KCNAB1: variants seen among roughly 807,000 people sequenced by gnomAD.
KCNAB1 encodes the protein voltage-gated potassium channel subunit beta-1.
In KCNAB1, 35 loss-of-function variants were observed where a neutral mutation model predicts 64.6. The observed-to-expected ratio is 0.54, with a 90% confidence interval of 0.41 to 0.72. The LOEUF (loss-of-function observed/expected upper bound fraction) is 0.72, where lower values mean the gene tolerates loss of function less well. KCNAB1 is among the 30% of genes least tolerant of loss of function. The pLI is 0.00. For synonymous variants in KCNAB1, 177 were observed against 183.8 expected, an observed-to-expected ratio of 0.96 and a Z score of 0.30; for missense variants, 401 against 512.9, an observed-to-expected ratio of 0.78 and a Z score of 2.11.
chr3:156,427,353 G>A (rs1715889297), intron 2 of KCNAB1, among the ~76,000 whole-genome samples: 1 of 152,164 alleles, frequency 6.6e-6, no homozygotes, highest in South Asian at 2.1e-4. Context: ...CCCTATGATT[G>A]TCATTGAGAT....
intron 1 of KCNAB1, among the ~76,000 whole-genome samples, chr3:156,224,252 A>G (rs1445290132): frequency 6.6e-6 from 1 of 152,114 alleles, no homozygotes; most frequent in Non-Finnish European, 1.5e-5. Context: ...CCCACCCGGA[A>G]CTCGTGCTGG....
intron 1 of KCNAB1, among the ~76,000 whole-genome samples, chr3:156,380,990 A>G (rs1211077518): frequency 1.3e-5 from 2 of 152,178 alleles, no homozygotes; most frequent in Non-Finnish European, 2.9e-5. Context: ...AAATGTTTTC[A>G]CCACAAAAAA....
intron 1 of KCNAB1, among the ~76,000 whole-genome samples, chr3:156,339,867 G>A (rs1270443058): frequency 6.6e-6 from 1 of 152,154 alleles, no homozygotes; most frequent in Non-Finnish European, 1.5e-5. Flanking sequence ...AGAAAGAGGT[G>A]GTACTGGAAG....
At chr3:156,536,175 T>C (rs1228041709) in intron 13 of KCNAB1, among the ~76,000 whole-genome samples, 1 of 152,226 alleles carries the variant, frequency 6.6e-6, no homozygotes, top group Non-Finnish European at 1.5e-5. Context: ...CATGTGGCTA[T>C]TGTATGCGGG....
At position 156,137,505 on chromosome 3, in the gene KCNAB1, G is replaced by T. The variant is rs534949130; in HGVS notation, c.275+16619G>T. On this transcript the variant is annotated intron_variant, in intron 1 of 13. Transcript: ENST00000490337. ...ATTGCCTAGAAAAACACCAATGAAT[G>T]ACAGAGACATTTAACATTAGATTTC... Among the ~76,000 whole-genome samples, 13 of 151,818 alleles carry T rather than the reference G, an allele frequency of 8.6e-5. No homozygotes were observed. The South Asian group carries it at 2.7e-3, about 32-fold the overall frequency.
chr3:156,363,501 C>A (rs147686370), intron 1 of KCNAB1, among the ~76,000 whole-genome samples: 10,118 of 150,524 alleles, frequency 0.067, 404 homozygotes, highest in East Asian at 0.17. Flanking sequence ...TTTGAGACAG[C>A]GTCTTGCTCT....
chr3:156,451,819 C>T (rs2108277368), intron 2 of KCNAB1, among the ~76,000 whole-genome samples: 1 of 152,154 alleles, frequency 6.6e-6, no homozygotes, highest in African/African-American at 2.4e-5. Flanking sequence ...CTTGCCTCTC[C>T]CTAGAATGTC....
intron 1 of KCNAB1, among the ~76,000 whole-genome samples, chr3:156,403,841 C>T (rs1479204680): frequency 1.3e-5 from 2 of 151,560 alleles, no homozygotes; most frequent in Non-Finnish European, 2.9e-5. Flanking sequence ...TTGCAGTGAG[C>T]TGAGATCACG....
chr3:156,495,156 G>A (rs1157789540), intron 8 of KCNAB1, among the ~76,000 whole-genome samples: 2 of 152,154 alleles, frequency 1.3e-5, no homozygotes, highest in Non-Finnish European at 2.9e-5. Flanking sequence ...GTTTGCTAGA[G>A]ATAATGGCCT....
Position 156,120,609 on chromosome 3 carries a change from A to G in KCNAB1, c.-3A>G, listed in dbSNP as rs771180725. 7.4e-6 allele frequency: 12 copies of G among 1,613,872 alleles called. No homozygotes were observed. Among genetic ancestry groups the G allele is most frequent in the South Asian group, 1.1e-5 (1 of 91,060 alleles). The stretch of plus-strand genomic sequence containing the variant: ...TTCCAGTCTTCTCTGAAAGATCTCC[A>G]CGATGCTGGCAGCCCGGACAGGGGC... On this transcript the variant is annotated 5_prime_UTR_variant, in exon 1 of 14. Transcript: ENST00000490337.
chr3:156,345,669 C>T (rs1724438579), intron 1 of KCNAB1, among the ~76,000 whole-genome samples: 1 of 152,156 alleles, frequency 6.6e-6, no homozygotes, highest in Non-Finnish European at 1.5e-5. Context: ...GTAGCTGGGA[C>T]TTTGGTGGCT....
At chr3:156,317,232 T>A (rs1182637635) in intron 1 of KCNAB1, among the ~76,000 whole-genome samples, 1 of 152,222 alleles carries the variant, frequency 6.6e-6, no homozygotes, top group Non-Finnish European at 1.5e-5. Flanking sequence ...TCCACAGGAC[T>A]AATTCATAGG....
intron 1 of KCNAB1, among the ~76,000 whole-genome samples, chr3:156,182,409 A>G (rs114299293): frequency 0.014 from 2,195 of 152,320 alleles, 75 homozygotes; most frequent in African/African-American, 0.05. Flanking sequence ...CTTTACATGC[A>G]TATGTGCAAA....
At chr3:156,255,980 C>G (rs1718078062) in intron 1 of KCNAB1, among the ~76,000 whole-genome samples, 1 of 152,078 alleles carries the variant, frequency 6.6e-6, no homozygotes, top group Non-Finnish European at 1.5e-5. Context: ...GGAGCAGCGC[C>G]CAGAGTGCGG....
At chr3:156,319,895 C>G (rs528874010) in intron 1 of KCNAB1, among the ~76,000 whole-genome samples, 4 of 152,260 alleles carry the variant, frequency 2.6e-5, no homozygotes, top group East Asian at 3.9e-4. Flanking sequence ...TACCATGTTA[C>G]TATTCTGGGT....
intron 12 of KCNAB1, among the ~76,000 whole-genome samples, chr3:156,526,987 T>G (rs1718354367): frequency 6.6e-6 from 1 of 152,144 alleles, no homozygotes; most frequent in Non-Finnish European, 1.5e-5. Context: ...AGAATATTTG[T>G]TGGTAGCTTG....
chr3:156,224,318 C>T (rs1576622439), intron 1 of KCNAB1, among the ~76,000 whole-genome samples: 1 of 152,260 alleles, frequency 6.6e-6, no homozygotes, highest in African/African-American at 2.4e-5. Context: ...CACCACACCT[C>T]CCTGCAAGCT....
intron 2 of KCNAB1, among the ~76,000 whole-genome samples, chr3:156,442,153 A>G: frequency 6.6e-6 from 1 of 152,224 alleles, no homozygotes; most frequent in Non-Finnish European, 1.5e-5. Context: ...CAGGAAATTT[A>G]AGGAAATTAA....
At chr3:156,405,767 C>CATA (rs1163281380) in intron 1 of KCNAB1, among the ~76,000 whole-genome samples, 2 of 152,144 alleles carry the variant, frequency 1.3e-5, no homozygotes, top group East Asian at 3.8e-4. Context: ...CAAATAGTTA[C>CATA]ATAATAACAC....
Sources: gnomAD v4.1 joint callset for allele counts (sites outside exome capture counted in the v4.1 genomes callset) on GRCh38, gnomAD v4.1.1 for gene constraint, MANE v1.5 for transcripts, NCBI Gene and HGNC (gene_info 2026-07-23, HGNC 2026-07-21) for gene names.